PRKN: variants seen among roughly 807,000 people sequenced by gnomAD.
PRKN encodes the protein E3 ubiquitin-protein ligase parkin.
In PRKN, 56 loss-of-function variants were observed where a neutral mutation model predicts 59.5. The ratio of observed to expected loss-of-function variants is 0.94; its 90% CI spans 0.76 to 1.18. The LOEUF (loss-of-function observed/expected upper bound fraction) is 1.18, where lower values mean the gene tolerates loss of function less well. PRKN is among the 50% of genes most tolerant of loss of function. The probability of loss-of-function intolerance (pLI) is 0.00; values close to 1 mark genes in which losing one functional copy is unlikely to be tolerated. For synonymous variants in PRKN, 250 were observed against 222.1 expected (o/e 1.13, Z -1.12); for missense variants, 657 against 596.4 (o/e 1.10, Z -1.06).
At chr6:161,370,280 T>C (rs982152305) in intron 10 of PRKN, among the ~76,000 whole-genome samples, 3 of 151,624 alleles carry the variant, frequency 2.0e-5, no homozygotes, top group African/African-American at 4.9e-5. Context: ...AATGTACTTA[T>C]ATAGGTTTTA....
In PRKN at chr6:161,979,275, CTTTA is replaced by C. The variant is rs1583434521; in HGVS notation, c.619-5862_619-5859del. 2.0e-5 allele frequency among the ~76,000 whole-genome samples: 3 copies of C among 151,988 alleles called. No homozygotes were observed. The South Asian group carries it at 6.2e-4, about 32-fold the overall frequency. On this transcript the variant is annotated intron_variant, in intron 5 of 11. Transcript: ENST00000366898. ...TGTTAAATGCCATAAGCGTTTTCAA[CTTTA>C]TTTATTTTTTTGAGACACGGTCTCC...
chr6:161,386,734 G>C lies in PRKN; in HGVS notation c.1167+60C>G, dbSNP rs908566232. 3 of 1,308,056 alleles carry C rather than the reference G, an allele frequency of 2.3e-6. No individual in the cohort carries two copies. In the Admixed American group the frequency reaches 5.0e-5, roughly 22 times the overall value. The allele number at this position is 1,308,056 out of a possible 1,614,324, so 81.0% of individuals were successfully genotyped here. ...AACTCTCCATGACCTCCAGGAAACG[G>C]CTCCAGTCCCCCACTGTATCCGGAG... is the stretch of plus-strand genomic sequence containing the variant. On this transcript the variant is annotated intron_variant, in intron 10 of 11. Transcript: ENST00000366898. The surrounding 1 kb of genome is among the most constrained non-coding windows in gnomAD (Gnocchi z 4.3).
intron 3 of PRKN, among the ~76,000 whole-genome samples, chr6:162,202,722 T>G (rs2128331118): frequency 6.6e-6 from 1 of 152,344 alleles, no homozygotes; most frequent in Middle Eastern, 3.4e-3. Context: ...GTTATAGAAA[T>G]ATTTGTAACA....
chr6:161,885,399 C>T (rs977892951), intron 6 of PRKN, among the ~76,000 whole-genome samples: 1 of 152,088 alleles, frequency 6.6e-6, no homozygotes, highest in Non-Finnish European at 1.5e-5. Context: ...GGTGCGGTGG[C>T]TCAGCCTGTA....
At chr6:162,222,719 C>G (rs1274457960) in intron 3 of PRKN, among the ~76,000 whole-genome samples, 2 of 152,074 alleles carry the variant, frequency 1.3e-5, no homozygotes, top group East Asian at 3.9e-4. Context: ...ACCTGACTCA[C>G]AGAAATTGTG....
chr6:162,631,499 A>C (rs1004701673), intron 1 of PRKN, among the ~76,000 whole-genome samples: 12 of 152,054 alleles, frequency 7.9e-5, no homozygotes. Context: ...TCTTTTGTGA[A>C]GTGCCTGTTC....
chr6:161,625,083 CT>C (rs1783036261), intron 7 of PRKN, among the ~76,000 whole-genome samples: 1 of 152,156 alleles, frequency 6.6e-6, no homozygotes, highest in African/African-American at 2.4e-5. Flanking sequence ...AAGTAGATGA[CT>C]TTCAAGCTAC....
intron 2 of PRKN, among the ~76,000 whole-genome samples, chr6:162,314,973 A>G (rs1197242037): frequency 6.6e-6 from 1 of 152,158 alleles, no homozygotes; most frequent in Non-Finnish European, 1.5e-5. Flanking sequence ...CTGTCTTCAC[A>G]GTAGATCACC....
In PRKN at chr6:161,588,874, AG is replaced by A. The variant is rs1781613960; in HGVS notation, c.872-19459del. On this transcript the variant is annotated intron_variant, in intron 7 of 11. Coordinates refer to ENST00000366898, the MANE Select transcript of PRKN (RefSeq NM_004562.3). The surrounding 1 kb of genome is among the most constrained non-coding windows in gnomAD (Gnocchi z 5.0). Reference sequence around the variant, plus strand: ...CCCAGTTAAATTTGAGTTTCAGTAAAGTACCAAGTCCTTTTTTTTTAGCCTA... The same window carrying A: ...CCCAGTTAAATTTGAGTTTCAGTAAATACCAAGTCCTTTTTTTTTAGCCTA... Among the ~76,000 whole-genome samples the A allele has an allele frequency of 6.6e-6, 1 of 152,234 alleles. No individual in the cohort carries two copies. Among genetic ancestry groups the A allele is most frequent in the African/African-American group, 2.4e-5 (1 of 41,476 alleles).
chr6:161,636,051 G>A (rs1040559990), intron 7 of PRKN, among the ~76,000 whole-genome samples: 3 of 152,228 alleles, frequency 2.0e-5, no homozygotes, highest in Non-Finnish European at 4.4e-5. Flanking sequence ...TGGTGCCCCC[G>A]AAACATGAGT....
intron 5 of PRKN, among the ~76,000 whole-genome samples, chr6:161,976,069 C>T (rs113451465): frequency 6.6e-5 from 10 of 152,206 alleles, no homozygotes; most frequent in African/African-American, 1.7e-4. Context: ...TCATGCCAGG[C>T]TAATTTTTGT....
intron 4 of PRKN, among the ~76,000 whole-genome samples, chr6:162,187,054 T>C (rs1004480030): frequency 6.6e-6 from 1 of 152,326 alleles, no homozygotes; most frequent in South Asian, 2.1e-4. Flanking sequence ...GGGTTTAGTC[T>C]GTGATCCCAG....
intron 5 of PRKN, among the ~76,000 whole-genome samples, chr6:161,975,228 G>C (rs974165908): frequency 6.6e-6 from 1 of 151,770 alleles, no homozygotes; most frequent in African/African-American, 2.4e-5. Context: ...TGGGACTACA[G>C]GTGCCCGCCA....
At chr6:161,969,625 G>A (rs574305702) in intron 6 of PRKN, among the ~76,000 whole-genome samples, 238 of 152,134 alleles carry the variant, frequency 1.6e-3, no homozygotes, top group South Asian at 6.7e-3. Flanking sequence ...GTGTCTCCAC[G>A]GTCCCCCTGA....
At position 162,429,151 on chromosome 6, in the gene PRKN, T is replaced by C. The variant is rs150416016; in HGVS notation, c.171+14159A>G. ...GAAGTATAACCAATTGGGGTTTATT[T>C]TTCGCATGTTACAAGAAGTCTAAAC... On this transcript the variant is annotated intron_variant, in intron 2 of 11. Transcript: ENST00000366898. Among the ~76,000 whole-genome samples the C allele has an allele frequency of 1.8e-3, 276 of 152,310 alleles. 6 individuals carry two copies. The East Asian group carries it at 0.038, about 21-fold the overall frequency.
chr6:161,548,737 C>A lies in PRKN; in HGVS notation c.1083+117G>T. 1.0e-6 allele frequency: 1 copy of A among 956,814 alleles called. No individual in the cohort carries two copies. The highest frequency in any genetic ancestry group is 1.5e-5 in the South Asian group (1 of 66,166). 59.3% of individuals were successfully genotyped at this position (956,814 alleles called of 1,614,324 possible). Reference sequence around the variant, plus strand: ...AAATCTATTTTCTTATATGTAAGTTCAAAGATGTCTAAGTCCAAAGGGAAA... The same window carrying A: ...AAATCTATTTTCTTATATGTAAGTTAAAAGATGTCTAAGTCCAAAGGGAAA... On this transcript the variant is annotated intron_variant, in intron 9 of 11. Transcript: ENST00000366898. The surrounding 1 kb of genome is among the most constrained non-coding windows in gnomAD (Gnocchi z 4.2).
intron 6 of PRKN, among the ~76,000 whole-genome samples, chr6:161,814,774 T>C (rs1407361379): frequency 1.3e-5 from 2 of 152,238 alleles, no homozygotes; most frequent in East Asian, 3.9e-4. Context: ...AGTGCTAGGA[T>C]TACAGGCATG....
At chr6:162,407,618 T>TACATA (rs1788136657) in intron 2 of PRKN, among the ~76,000 whole-genome samples, 1 of 152,178 alleles carries the variant, frequency 6.6e-6, no homozygotes, top group African/African-American at 2.4e-5. Context: ...TTAAAATTAT[T>TACATA]ACATAACAAA....
chr6:162,490,706 C>T (rs1264235677), intron 1 of PRKN, among the ~76,000 whole-genome samples: 2 of 152,118 alleles, frequency 1.3e-5, no homozygotes, highest in African/African-American at 4.8e-5. Context: ...AATCACATTT[C>T]GTGAATGGAC....
Sources: allele counts gnomAD v4.1 joint callset (sites outside exome capture counted in the v4.1 genomes callset), GRCh38; gene constraint gnomAD v4.1.1; non-coding constraint Gnocchi (gnomAD v3.1); transcripts MANE v1.5; gene names NCBI Gene and HGNC (gene_info 2026-07-23, HGNC 2026-07-21).